MAP3K19: variants seen among roughly 807,000 people sequenced by gnomAD.
MAP3K19 encodes mitogen-activated protein kinase kinase kinase 19, also known as SPS1/STE20-related protein kinase YSK4.
In MAP3K19, 91 loss-of-function variants were observed where a neutral mutation model predicts 114.4. That is an observed-to-expected ratio of 0.80 (90% CI 0.67 to 0.95). The LOEUF is 0.95. Among genes scored for constraint, MAP3K19 ranks in the 40% least tolerant of loss-of-function variants. MAP3K19 has a pLI of 0.00. For synonymous variants in MAP3K19, 518 were observed against 530.5 expected (o/e 0.98, Z 0.32); for missense variants, 1,471 against 1,573.2 (o/e 0.94, Z 1.10).
chr2:134,988,178 T>A lies in MAP3K19; in HGVS notation c.694A>T (p.Lys232Ter), dbSNP rs1269223508. The change falls in exon 10 of 13, where the codon AAA (lysine) becomes TAA (stop). Residue 232 changes from lysine (K) to a stop codon, truncating the protein, a stop_gained. Coordinates refer to ENST00000392915, the MANE Select transcript of MAP3K19 (RefSeq NM_025052.5). LOFTEE classifies it high-confidence loss of function. ...CTTGGAATGTTTCTTTCTTTTTCTT[T>A]TGGAAACTTGTGATTTTGGGGGATA... ...LTIPQNHKFPKEKERNIPSLT... is the reference protein window; with the variant it reads ...LTIPQNHKFP The A allele has an allele frequency of 1.2e-6, 2 of 1,612,520 alleles. No individual in the cohort carries two copies. Among genetic ancestry groups the A allele is most frequent in the African/African-American group, 2.7e-5 (2 of 74,784 alleles).
chr2:135,013,458 A>G (rs1687377874), intron 5 of MAP3K19, among the ~76,000 whole-genome samples: 1 of 152,150 alleles, frequency 6.6e-6, no homozygotes, highest in Non-Finnish European at 1.5e-5. Flanking sequence ...AGTTAACATT[A>G]AGGTTCACTC....
intron 5 of MAP3K19, among the ~76,000 whole-genome samples, chr2:135,018,910 C>T (rs991102158): frequency 6.6e-6 from 1 of 151,996 alleles, no homozygotes; most frequent in African/African-American, 2.4e-5. Flanking sequence ...CATGGTGAAA[C>T]CCCATCTCTA....
chr2:134,974,290 T>A (rs2105164414), intron 12 of MAP3K19, among the ~76,000 whole-genome samples: 1 of 152,324 alleles, frequency 6.6e-6, no homozygotes, highest in African/African-American at 2.4e-5. Context: ...TGCGAGCCAC[T>A]ATGCCTGGCC....
In MAP3K19 at chr2:135,032,372, A is replaced by AAGAG. The variant is rs1553434456; in HGVS notation, c.-283-1873_-283-1872insCTCT. ...ACTCTGTCTGAAAAAAAAAAAAAAA[A>AAGAG]AGAAAAGAAAAGAAAAACAGTCTGT... On this transcript the variant is annotated intron_variant, in intron 2 of 12. Coordinates refer to ENST00000392915, the MANE Select transcript of MAP3K19 (RefSeq NM_025052.5). Among the ~76,000 whole-genome samples, 176 of 145,366 alleles carry AAGAG rather than the reference A, an allele frequency of 1.2e-3. 4 individuals carry two copies. The highest frequency in any genetic ancestry group is 3.2e-3 in the African/African-American group (125 of 38,578).
intron 12 of MAP3K19, among the ~76,000 whole-genome samples, chr2:134,971,114 T>C (rs77834474): frequency 0.23 from 34,928 of 152,156 alleles, 4,352 homozygotes; most frequent in Middle Eastern, 0.6. Flanking sequence ...TTGTTGATAG[T>C]TTTTATCACA....
chr2:134,978,918 A>G (rs1379008867), intron 12 of MAP3K19, among the ~76,000 whole-genome samples: 2 of 151,998 alleles, frequency 1.3e-5, no homozygotes, highest in Non-Finnish European at 2.9e-5. Flanking sequence ...CTCACTGCCT[A>G]TTGCAACAAA....
At position 134,987,904 on chromosome 2, in the gene MAP3K19, T is replaced by TG. The variant is rs1248932909; in HGVS notation, c.967dup (p.His323ProfsTer3). 6.2e-7 allele frequency: 1 copy of TG among 1,614,142 alleles called. No homozygotes were observed. Among genetic ancestry groups the TG allele is most frequent in the South Asian group, 1.1e-5 (1 of 91,080 alleles). ...CACCAAAGACTGCCCTTTTTCAAAG[T>TG]GAGTGATTTCAATTTTGTTACATTC... On this transcript the variant is annotated frameshift_variant, in exon 10 of 13. Coordinates refer to ENST00000392915, the MANE Select transcript of MAP3K19 (RefSeq NM_025052.5). LOFTEE classifies it high-confidence loss of function.
intron 12 of MAP3K19, among the ~76,000 whole-genome samples, chr2:134,968,536 G>A (rs1397474097): frequency 1.3e-4 from 19 of 149,000 alleles, no homozygotes; most frequent in East Asian, 1.0e-3. Flanking sequence ...GGGCGGAGAC[G>A]CTCCTCACTT....
chr2:135,008,074 T>C (rs957205404), intron 5 of MAP3K19, among the ~76,000 whole-genome samples: 28 of 152,132 alleles, frequency 1.8e-4, no homozygotes, highest in African/African-American at 6.5e-4. Flanking sequence ...TTAATTTTAA[T>C]GGAATTTAAA....
Position 134,985,884 on chromosome 2 carries a change from ATCT to A in MAP3K19, c.2985_2987del (p.Asp996del), listed in dbSNP as rs1371491698. 1 of 1,613,906 alleles carries A rather than the reference ATCT, an allele frequency of 6.2e-7. No individual in the cohort carries two copies. Among genetic ancestry groups the A allele is most frequent in the Non-Finnish European group, 8.5e-7 (1 of 1,179,962 alleles). On this transcript the variant is annotated inframe_deletion, in exon 10 of 13. Transcript: ENST00000392915. ...TGAGGACAAGATTTAGGTTTTCAGG[ATCT>A]GTTTCATTTGCCATTTTTTGGCAAG...
chr2:134,991,036 A>G (rs1304086098), intron 9 of MAP3K19, among the ~76,000 whole-genome samples: 1 of 151,940 alleles, frequency 6.6e-6, no homozygotes, highest in East Asian at 2.0e-4. Flanking sequence ...TCTAAACAAA[A>G]CAAAACAGAA....
chr2:134,985,162 A>G (rs1685005481), intron 10 of MAP3K19, among the ~76,000 whole-genome samples: 1 of 152,228 alleles, frequency 6.6e-6, no homozygotes, highest in South Asian at 2.1e-4. Context: ...CTCATGCCAA[A>G]CAAAATTTTT....
chr2:134,997,570 C>T (rs1434147384), intron 8 of MAP3K19, among the ~76,000 whole-genome samples: 1 of 152,136 alleles, frequency 6.6e-6, no homozygotes, highest in Non-Finnish European at 1.5e-5. Context: ...CCTGTAATCC[C>T]AGCACTGTGG....
chr2:135,037,580 T>G (rs4953948), intron 2 of MAP3K19, among the ~76,000 whole-genome samples: 40,337 of 152,066 alleles, frequency 0.27, 7,218 homozygotes, highest in African/African-American at 0.49. Flanking sequence ...TTAGGAGGCA[T>G]GTCTCCATGG....
At position 134,999,579 on chromosome 2, in the gene MAP3K19, A is replaced by G. The variant is rs1686290360; in HGVS notation, c.314+358T>C. Reference sequence around the variant, plus strand: ...CATCATGGACTAGTAACAGGACCACAGAACCACATTCTAAGTAGCTCTGCC... The same window carrying G: ...CATCATGGACTAGTAACAGGACCACGGAACCACATTCTAAGTAGCTCTGCC... On this transcript the variant is annotated intron_variant, in intron 7 of 12. Coordinates refer to ENST00000392915, the MANE Select transcript of MAP3K19 (RefSeq NM_025052.5). The surrounding 1 kb of genome is among the most constrained non-coding windows in gnomAD (Gnocchi z 4.1). Among the ~76,000 whole-genome samples the G allele has an allele frequency of 6.6e-6, 1 of 152,236 alleles. No individual in the cohort carries two copies. The highest frequency in any genetic ancestry group is 1.5e-5 in the Non-Finnish European group (1 of 68,042).
intron 3 of MAP3K19, among the ~76,000 whole-genome samples, chr2:135,026,311 A>C (rs1688254556): frequency 6.6e-6 from 1 of 152,150 alleles, no homozygotes; most frequent in Non-Finnish European, 1.5e-5. Context: ...AGTATTCTGG[A>C]CCCCAATCCA....
At chr2:135,028,304 C>G (rs901843780) in intron 3 of MAP3K19, among the ~76,000 whole-genome samples, 1 of 152,078 alleles carries the variant, frequency 6.6e-6, no homozygotes, top group Non-Finnish European at 1.5e-5. Flanking sequence ...ACCTGTAATC[C>G]CAGCACTTTA....
intron 8 of MAP3K19, among the ~76,000 whole-genome samples, chr2:134,991,879 C>T (rs1685605499): frequency 6.6e-6 from 1 of 152,144 alleles, no homozygotes; most frequent in Admixed American, 6.5e-5. Flanking sequence ...GCCAGTTCCC[C>T]ACAACCCAGT....
Position 135,021,827 on chromosome 2 carries a change from C to A in MAP3K19, c.26G>T (p.Arg9Ile), listed in dbSNP as rs764427608. 3 of 1,581,982 alleles carry A rather than the reference C, an allele frequency of 1.9e-6. No homozygotes were observed. The change falls in exon 5 of 13, where the codon AGA (arginine) becomes ATA (isoleucine). Residue 9 changes from arginine to isoleucine, a missense_variant. Transcript: ENST00000392915. Reference sequence around the variant, plus strand: ...AATGTCAAGCAATGACTCAGCATGTCTTTCTATCAAAAGAAACATAATAGT... The same window carrying A: ...AATGTCAAGCAATGACTCAGCATGTATTTCTATCAAAAGAAACATAATAGT... MSSMPKPE[R>I]HAESLLDICH...
Sources: allele counts gnomAD v4.1 joint callset (sites outside exome capture counted in the v4.1 genomes callset), GRCh38; gene constraint gnomAD v4.1.1; non-coding constraint Gnocchi (gnomAD v3.1); transcripts MANE v1.5; gene names NCBI Gene and HGNC (gene_info 2026-07-23, HGNC 2026-07-21).